The following RYR2 variants were observed in gnomAD, a reference collection of about 807,000 sequenced individuals.
RYR2 encodes the protein ryanodine receptor 2, also known as cardiac muscle ryanodine receptor-calcium release channel.
In RYR2, 227 loss-of-function variants were observed where a neutral mutation model predicts 601.1. The observed-to-expected ratio is 0.38, with a 90% CI of 0.34 to 0.42. The LOEUF (loss-of-function observed/expected upper bound fraction) is 0.42, where lower values mean the gene tolerates loss of function less well. Ranked by LOEUF, RYR2 falls within the 10% of genes least tolerant of loss-of-function variation. The pLI is 1.00. For synonymous variants in RYR2, 2,223 were observed against 2,175.1 expected (o/e 1.02, Z -0.61); for missense variants, 4,646 against 6,156.5 (o/e 0.75, Z 8.21).
In RYR2 at chr1:237,258,297, A is replaced by G. The variant is rs1345929240; in HGVS notation, c.49-12200A>G. On this transcript the variant is annotated intron_variant, in intron 1 of 104. Coordinates refer to ENST00000366574, the MANE Select transcript of RYR2 (RefSeq NM_001035.3). ...AGAATGACGTGAGAAGGTGTTATAGATGGAGGAGGAAGTAGATCATGCAAT... is the reference window on the plus strand; with the variant it reads ...AGAATGACGTGAGAAGGTGTTATAGGTGGAGGAGGAAGTAGATCATGCAAT... Among the ~76,000 whole-genome samples, 3 of 152,058 alleles carry G rather than the reference A, an allele frequency of 2.0e-5. No homozygotes were observed. In the East Asian group the frequency reaches 5.8e-4, roughly 29 times the overall value.
intron 2 of RYR2, among the ~76,000 whole-genome samples, chr1:237,330,630 C>T (rs1027403522): frequency 3.3e-5 from 5 of 152,288 alleles, no homozygotes; most frequent in East Asian, 3.9e-4. Flanking sequence ...TCAGGTGATC[C>T]GCCCACCTCG....
intron 12 of RYR2, among the ~76,000 whole-genome samples, chr1:237,426,353 G>C (rs1706151815): frequency 6.6e-6 from 1 of 152,072 alleles, no homozygotes; most frequent in African/African-American, 2.4e-5. Context: ...TTGCTCTGTG[G>C]ACTCTTAGAG....
Position 237,718,472 on chromosome 1 carries a change from AG to A in RYR2, c.10507del (p.Asp3503MetfsTer6). ...TATATTTCTTGACAGAAAGATACCG[AG>A]GATGAAGTACGAGATATAATCCGCA... ...AKNRFSLKDTEDEVRDIIRSN... is the reference protein window; with the variant it reads ...AKNRFSLKDTXDEVRDIIRSN... On this transcript the variant is annotated frameshift_variant, in exon 73 of 105. Coordinates refer to ENST00000366574, the MANE Select transcript of RYR2 (RefSeq NM_001035.3). LOFTEE classifies it high-confidence loss of function. The A allele has an allele frequency of 6.3e-7, 1 of 1,577,322 alleles. No individual in the cohort carries two copies.
rs67140198 is a variant in RYR2 at position 237,387,941 on chromosome 1, G to GTC, written c.677-144_677-143dup. 376,640 of 687,032 alleles carry GTC rather than the reference G, an allele frequency of 0.55. 105,446 individuals carry two copies. The highest frequency in any genetic ancestry group is 0.71 in the Admixed American group (28,847 of 40,540). The allele number at this position is 687,032 out of a possible 1,614,324, so 42.6% of individuals were successfully genotyped here. On this transcript the variant is annotated intron_variant, in intron 9 of 104. Coordinates refer to ENST00000366574, the MANE Select transcript of RYR2 (RefSeq NM_001035.3). ...GGACTCAGAGGGAACAGCAGGCACTGTCTATCTCTGTGACCTTGGCCAGGT... is the reference window on the plus strand; with the variant it reads ...GGACTCAGAGGGAACAGCAGGCACTGTCTCTATCTCTGTGACCTTGGCCAGGT...
At chr1:237,268,385 A>G (rs1036690618) in intron 1 of RYR2, among the ~76,000 whole-genome samples, 3 of 152,204 alleles carry the variant, frequency 2.0e-5, no homozygotes, top group Non-Finnish European at 2.9e-5. Flanking sequence ...CTTGCAGATT[A>G]TATAAGCTCC....
chr1:237,125,337 G>A (rs80274683), intron 1 of RYR2, among the ~76,000 whole-genome samples: 3,912 of 151,828 alleles, frequency 0.026, 94 homozygotes, highest in African/African-American at 0.057. Context: ...CTGCTGAGCC[G>A]TGTGAGTTTG....
intron 1 of RYR2, among the ~76,000 whole-genome samples, chr1:237,245,549 C>T (rs553752106): frequency 6.6e-6 from 1 of 152,158 alleles, no homozygotes; most frequent in South Asian, 2.1e-4. Flanking sequence ...AAATCCTCCC[C>T]ACATTTAGAC....
intron 2 of RYR2, among the ~76,000 whole-genome samples, chr1:237,295,909 A>G (rs968481035): frequency 4.6e-5 from 7 of 152,326 alleles, no homozygotes; most frequent in African/African-American, 1.7e-4. Context: ...CATCTCATGG[A>G]TATTTCATTC....
intron 8 of RYR2, among the ~76,000 whole-genome samples, chr1:237,380,329 T>C (rs932826104): frequency 1.3e-4 from 16 of 125,808 alleles, no homozygotes; most frequent in Non-Finnish European, 2.6e-4. Flanking sequence ...TGTGTGTATA[T>C]ATATGCACAC....
intron 1 of RYR2, among the ~76,000 whole-genome samples, chr1:237,252,087 C>T (rs1687520809): frequency 6.6e-6 from 1 of 151,890 alleles, no homozygotes; most frequent in Non-Finnish European, 1.5e-5. Context: ...AGCATGGCTT[C>T]CTGAGTGGTT....
At chr1:237,511,631 C>T (rs1321423114) in intron 23 of RYR2, 57 bp from the exon 24 acceptor site, 2 of 1,314,696 alleles carry the variant, frequency 1.5e-6, no homozygotes, top group African/African-American at 1.5e-5. Flanking sequence ...AGTTGAATTC[C>T]ATTGCTAGTG....
intron 58 of RYR2, among the ~76,000 whole-genome samples, chr1:237,670,593 G>T (rs2148893772): frequency 6.6e-6 from 1 of 152,174 alleles, no homozygotes; most frequent in South Asian, 2.1e-4. Flanking sequence ...CTTATTACAT[G>T]AGCAGATTAC....
At position 237,614,520 on chromosome 1, in the gene RYR2, G is replaced by A. The variant is rs972796683; in HGVS notation, c.5392G>A (p.Ala1798Thr). 6.2e-7 allele frequency: 1 copy of A among 1,614,048 alleles called. No homozygotes were observed. Among genetic ancestry groups the A allele is most frequent in the Non-Finnish European group, 8.5e-7 (1 of 1,179,904 alleles). ...KSKTIQMLTE[A>T]VKEGSLHARD... The stretch of plus-strand genomic sequence containing the variant: ...CAAAACCATACAGATGCTGACAGAA[G>A]CTGTTAAAGAGGGCAGTCTTCATGC... Residue 1798 changes from alanine to threonine, a missense_variant, in exon 37 of 105, where the codon GCT becomes ACT. Ala to Thr is a moderately conservative substitution (Grantham distance 58). Around this residue, in one of 17 missense-constraint regions of RYR2, gnomAD observed 1,807 missense variants for 2,088.1 expected, o/e 0.87. Coordinates refer to ENST00000366574, the MANE Select transcript of RYR2 (RefSeq NM_001035.3). The surrounding 1 kb of genome is among the most constrained non-coding windows in gnomAD (Gnocchi z 4.3).
At chr1:237,354,026 C>T (rs946416106) in intron 3 of RYR2, among the ~76,000 whole-genome samples, 1 of 152,158 alleles carries the variant, frequency 6.6e-6, no homozygotes, top group Non-Finnish European at 1.5e-5. Context: ...GTCATGAAAT[C>T]GTTCTGCATT....
rs963140594 is a variant in RYR2 at position 237,106,164 on chromosome 1, T to C, written c.48+63595T>C. Among the ~76,000 whole-genome samples, 1 of 152,184 alleles carries C rather than the reference T, an allele frequency of 6.6e-6. No individual in the cohort carries two copies. The highest frequency in any genetic ancestry group is 2.4e-5 in the African/African-American group (1 of 41,440). ...CCATATGGGAGTCATTGCAATCCTT[T>C]GAGCTGAGGGGTAGCTCGTTCTGAT... On this transcript the variant is annotated intron_variant, in intron 1 of 104. Transcript: ENST00000366574. The surrounding 1 kb of genome is among the most constrained non-coding windows in gnomAD (Gnocchi z 4.4).
intron 27 of RYR2, among the ~76,000 whole-genome samples, chr1:237,551,681 G>T (rs775664101): frequency 2.6e-5 from 4 of 152,070 alleles, no homozygotes; most frequent in Non-Finnish European, 5.9e-5. Context: ...TATAATTTTT[G>T]ATGGAAAGTT....
chr1:237,583,603 A>G (rs1003356104), intron 29 of RYR2, among the ~76,000 whole-genome samples: 4 of 152,186 alleles, frequency 2.6e-5, no homozygotes, highest in African/African-American at 9.7e-5. Context: ...ACATCTTCAT[A>G]TAATATTGGT....
At chr1:237,101,197 A>C (rs1185169626) in intron 1 of RYR2, among the ~76,000 whole-genome samples, 2 of 151,788 alleles carry the variant, frequency 1.3e-5, no homozygotes, top group African/African-American at 2.4e-5. Context: ...GTGAGTAAGC[A>C]AGTTCAGAGA....
chr1:237,280,555 A>G (rs1337694010), intron 2 of RYR2, among the ~76,000 whole-genome samples: 2 of 152,188 alleles, frequency 1.3e-5, no homozygotes, highest in Non-Finnish European at 2.9e-5. Context: ...TTTTAGAGAA[A>G]AATAAAGTAG....
Sources: gnomAD v4.1 joint callset for allele counts (sites outside exome capture counted in the v4.1 genomes callset) on GRCh38, gnomAD v4.1.1 for gene constraint, gnomAD v4.1.1 regional missense constraint, Gnocchi (gnomAD v3.1) non-coding constraint, MANE v1.5 for transcripts, NCBI Gene and HGNC (gene_info 2026-07-23, HGNC 2026-07-21) for gene names.